DCLK1: variants seen among roughly 807,000 people sequenced by gnomAD.
DCLK1 encodes the protein doublecortin like kinase 1, also known as serine/threonine-protein kinase DCLK1.
In DCLK1, 16 loss-of-function variants were observed where a neutral mutation model predicts 86.2. That is an observed-to-expected ratio of 0.19 (90% CI 0.13 to 0.28). DCLK1 has a LOEUF of 0.28. Among genes scored for constraint, DCLK1 ranks in the 10% least tolerant of loss-of-function variants. The pLI is 1.00. For missense variants in DCLK1, 590 were observed against 940.2 expected (o/e 0.63, Z 4.87); for synonymous variants, 369 against 370.5 (o/e 1.00, Z 0.05).
At position 36,111,463 on chromosome 13, in the gene DCLK1, T is replaced by C. The variant is rs537360767; in HGVS notation, c.723+406A>G. On this transcript the variant is annotated intron_variant, in intron 3 of 16. Transcript: ENST00000360631. ...TAGCGAACACTACAAAGACTTAAAA[T>C]CATAAAATATTTAGGTCAAAGAAAT... 9.1e-4 allele frequency among the ~76,000 whole-genome samples: 138 copies of C among 152,278 alleles called. 1 individual carries two copies. The highest frequency in any genetic ancestry group is 6.8e-3 in the Middle Eastern group (2 of 294).
chr13:35,983,042 G>A (rs1879738816), intron 3 of DCLK1, among the ~76,000 whole-genome samples: 1 of 152,164 alleles, frequency 6.6e-6, no homozygotes, highest in African/African-American at 2.4e-5. Context: ...GGGATTACAG[G>A]TGTGAGCCAC....
intron 1 of DCLK1, among the ~76,000 whole-genome samples, chr13:36,129,718 G>A (rs1446131161): frequency 1.3e-5 from 2 of 152,192 alleles, no homozygotes; most frequent in East Asian, 3.9e-4. Context: ...AAGGGCCTGA[G>A]TGCACATGTG....
chr13:36,044,780 G>A (rs1882818427), intron 3 of DCLK1, among the ~76,000 whole-genome samples: 1 of 151,920 alleles, frequency 6.6e-6, no homozygotes. Flanking sequence ...TATCAAAAAC[G>A]TTAAAAATCT....
intron 3 of DCLK1, among the ~76,000 whole-genome samples, chr13:36,005,434 T>G (rs1239412135): frequency 6.6e-6 from 1 of 152,182 alleles, no homozygotes; most frequent in East Asian, 1.9e-4. Flanking sequence ...TAAGGAAAAT[T>G]TAGTAAATAA....
intron 16 of DCLK1, among the ~76,000 whole-genome samples, chr13:35,775,145 A>G (rs147196108): frequency 2.4e-4 from 37 of 152,296 alleles, no homozygotes; most frequent in African/African-American, 7.9e-4. Flanking sequence ...TGAAGTTGTC[A>G]GTCAGACATG....
At chr13:35,777,900 A>G (rs913611280) in intron 16 of DCLK1, among the ~76,000 whole-genome samples, 2 of 152,162 alleles carry the variant, frequency 1.3e-5, no homozygotes, top group African/African-American at 4.8e-5. Context: ...GTCTAGTACC[A>G]TTATCGTTGT....
chr13:35,956,914 G>A (rs1490240962), intron 3 of DCLK1, among the ~76,000 whole-genome samples: 1 of 152,034 alleles, frequency 6.6e-6, no homozygotes, highest in Non-Finnish European at 1.5e-5. Context: ...TGCTCCTCTG[G>A]CCTGGATTCA....
intron 3 of DCLK1, among the ~76,000 whole-genome samples, chr13:35,956,998 T>C (rs944131499): frequency 5.3e-5 from 8 of 149,870 alleles, no homozygotes; most frequent in African/African-American, 9.9e-5. Flanking sequence ...ATGTTTATTC[T>C]TGTATCAGTT....
chr13:36,087,686 A>G (rs60791370), intron 3 of DCLK1, among the ~76,000 whole-genome samples: 1 of 151,624 alleles, frequency 6.6e-6, no homozygotes, highest in African/African-American at 2.4e-5. Flanking sequence ...CACCAAGAAG[A>G]CTCCTGGAGG....
intron 11 of DCLK1, among the ~76,000 whole-genome samples, chr13:35,822,277 C>T (rs1013877216): frequency 4.6e-5 from 7 of 152,118 alleles, no homozygotes; most frequent in African/African-American, 9.7e-5. Flanking sequence ...CCTCAGCCTC[C>T]TGAGTAGCTG....
intron 3 of DCLK1, among the ~76,000 whole-genome samples, chr13:36,021,042 G>C (rs988451335): frequency 6.6e-6 from 1 of 152,092 alleles, no homozygotes; most frequent in Admixed American, 6.6e-5. Flanking sequence ...AAGTGCAACT[G>C]CATAAAGCTA....
intron 3 of DCLK1, among the ~76,000 whole-genome samples, chr13:36,021,805 G>T (rs79591347): frequency 0.024 from 3,587 of 152,110 alleles, 43 homozygotes; most frequent in South Asian, 0.065. Context: ...AATAGTTAGA[G>T]ACCTCAATAC....
At chr13:35,814,257 G>C (rs1211493864) in intron 11 of DCLK1, among the ~76,000 whole-genome samples, 1 of 152,148 alleles carries the variant, frequency 6.6e-6, no homozygotes. Context: ...TTTAAAGCCT[G>C]CACGCGCGCA....
At chr13:35,825,682 CATT>C (rs2153105589) in intron 10 of DCLK1, among the ~76,000 whole-genome samples, 1 of 152,212 alleles carries the variant, frequency 6.6e-6, no homozygotes, top group South Asian at 2.1e-4. Context: ...TAAAAATTAA[CATT>C]GTTGTAAAAA....
chr13:35,798,240 G>A (rs1156820824), intron 15 of DCLK1, among the ~76,000 whole-genome samples: 6 of 152,176 alleles, frequency 3.9e-5, no homozygotes, highest in Non-Finnish European at 8.8e-5. Flanking sequence ...GTGGGGGAAC[G>A]GATGTGAAGT....
intron 6 of DCLK1, chr13:35,850,838 C>G: frequency 1.4e-6 from 2 of 1,465,948 alleles, no homozygotes; most frequent in Non-Finnish European, 1.8e-6. Context: ...CTGTGGCTCT[C>G]GTGAGAGCAG....
At chr13:36,032,539 C>A (rs948566037) in intron 3 of DCLK1, among the ~76,000 whole-genome samples, 4 of 152,184 alleles carry the variant, frequency 2.6e-5, no homozygotes, top group Admixed American at 2.6e-4. Context: ...GCTCTTAGAA[C>A]TGCTTTCTAA....
chr13:36,058,610 A>T (rs991215056), intron 3 of DCLK1, among the ~76,000 whole-genome samples: 5 of 152,166 alleles, frequency 3.3e-5, no homozygotes, highest in Admixed American at 3.3e-4. Flanking sequence ...GCAGCCAGGA[A>T]AGATGTAAAG....
intron 16 of DCLK1, among the ~76,000 whole-genome samples, chr13:35,784,966 A>C (rs150394558): frequency 5.3e-4 from 80 of 152,222 alleles, no homozygotes; most frequent in Non-Finnish European, 1.0e-3. Context: ...TCCTTTTAAC[A>C]ACCGAGCATG....
Sources: gnomAD v4.1 joint callset for allele counts (sites outside exome capture counted in the v4.1 genomes callset) on GRCh38, gnomAD v4.1.1 for gene constraint, MANE v1.5 for transcripts, NCBI Gene and HGNC (gene_info 2026-07-23, HGNC 2026-07-21) for gene names.